CLCN5: variants seen among roughly 807,000 people sequenced by gnomAD.
CLCN5 encodes H(+)/Cl(-) exchange transporter 5.
A neutral mutation model predicts 54.0 loss-of-function variants in CLCN5; 17 were observed. The ratio of observed to expected loss-of-function variants is 0.31; its 90% CI spans 0.22 to 0.47. The LOEUF (loss-of-function observed/expected upper bound fraction) is 0.47. CLCN5 is among the 20% of genes least tolerant of loss of function. The pLI is 1.00. For synonymous variants in CLCN5, 222 were observed against 233.0 expected (o/e 0.95, Z 0.43); for missense variants, 448 against 646.7 (o/e 0.69, Z 3.33).
At chrX:50,009,787 G>T (rs376696825) in intron 3 of CLCN5, 1 of 386,859 alleles carries the variant, frequency 2.6e-6, no homozygotes, top group African/African-American at 2.5e-5. Context: ...ACCCGGGCAA[G>T]GATTCTGAGA....
chrX:49,985,030 A>G (rs1557178142), intron 3 of CLCN5, among the ~76,000 whole-genome samples: 1 of 109,810 alleles, frequency 9.1e-6, no homozygotes, highest in Non-Finnish European at 1.9e-5. Context: ...GATTTGTGGC[A>G]TATTTACATA....
At chrX:50,034,694 A>G (rs782757356) in intron 3 of CLCN5, among the ~76,000 whole-genome samples, 1 of 111,094 alleles carries the variant, frequency 9.0e-6, no homozygotes, top group Non-Finnish European at 1.9e-5. Context: ...ACACATGTCA[A>G]TGTCACTAGT....
In CLCN5 at chrX:49,922,693, G is replaced by A. The variant is rs893150572; in HGVS notation, c.-304G>A. On this transcript the variant is annotated 5_prime_UTR_variant, in exon 1 of 15. Coordinates refer to ENST00000376091, the MANE Select transcript of CLCN5 (RefSeq NM_001127898.4). The stretch of plus-strand genomic sequence containing the variant: ...TGAATGAAGCTCTGCCGGCTACGTG[G>A]GGCGCTCACTCAACTTGGTGTCCTG... 1.8e-5 allele frequency: 2 copies of A among 113,115 alleles called. No individual in the cohort carries two copies. The highest frequency in any genetic ancestry group is 3.8e-5 in the Non-Finnish European group (2 of 53,282). The allele number at this position is 113,115 out of a possible 1,213,427, so 9.3% of individuals were successfully genotyped here.
intron 3 of CLCN5, among the ~76,000 whole-genome samples, chrX:49,927,841 C>A (rs782337831): frequency 4.7e-4 from 53 of 112,244 alleles, no homozygotes; most frequent in Non-Finnish European, 9.4e-4. Context: ...AGAATGAAAT[C>A]CTGTCATTTG....
intron 3 of CLCN5, among the ~76,000 whole-genome samples, chrX:49,944,434 A>G (rs1926570028): frequency 9.0e-6 from 1 of 111,428 alleles, no homozygotes; most frequent in African/African-American, 3.3e-5. Flanking sequence ...AGAACTTCCA[A>G]CACTATGTTG....
At chrX:49,925,547 C>T (rs1422520019) in intron 3 of CLCN5, among the ~76,000 whole-genome samples, 7 of 112,317 alleles carry the variant, frequency 6.2e-5, no homozygotes, top group Non-Finnish European at 1.1e-4. Flanking sequence ...ATGCCAGCAG[C>T]ATTTAAAAGA....
chrX:50,063,275 GA>G (rs1557190220), intron 4 of CLCN5, among the ~76,000 whole-genome samples: 1 of 93,500 alleles, frequency 1.1e-5, no homozygotes, highest in East Asian at 3.2e-4. Flanking sequence ...GACTAATAAA[GA>G]AAAAAAGAGA....
intron 4 of CLCN5, among the ~76,000 whole-genome samples, chrX:50,064,670 C>G (rs1291329233): frequency 2.0e-5 from 2 of 99,677 alleles, no homozygotes; most frequent in Non-Finnish European, 4.0e-5. Context: ...CTTTCAAGTT[C>G]ATATGGAACC....
At chrX:49,930,724 A>G (rs182582564) in intron 3 of CLCN5, among the ~76,000 whole-genome samples, 1 of 111,578 alleles carries the variant, frequency 9.0e-6, no homozygotes, top group Admixed American at 9.5e-5. Context: ...TTGGCCTTCC[A>G]TATTCATGGG....
intron 3 of CLCN5, among the ~76,000 whole-genome samples, chrX:49,945,604 GTTTTTT>G (rs1162822439): frequency 1.4e-5 from 1 of 71,155 alleles, no homozygotes; most frequent in Non-Finnish European, 2.6e-5. Flanking sequence ...CGCCCAGCTA[GTTTTTT>G]TTTTTTTTTT....
chrX:50,086,317 C>T lies in CLCN5; in HGVS notation c.1015-11C>T. On this transcript the variant is annotated splice_polypyrimidine_tract_variant and intron_variant, in intron 10 of 14. Transcript: ENST00000376091. ...TTGACTGAGTTTGCTTTCTCACCTT[C>T]TTTCTTCTAGGTCAGCTACTATTTT... 1 of 1,205,782 alleles carries T rather than the reference C, an allele frequency of 8.3e-7. No individual in the cohort carries two copies.
At position 49,944,764 on chromosome X, in the gene CLCN5, G is replaced by A. The variant is rs372979338; in HGVS notation, c.16+19450G>A. On this transcript the variant is annotated intron_variant, in intron 3 of 14. Transcript: ENST00000376091. ...TCCCAGGGATGAAGCCAACTTGATCGTGGTGGATAAGCTTTTTGATGTGCT... is the reference window on the plus strand; with the variant it reads ...TCCCAGGGATGAAGCCAACTTGATCATGGTGGATAAGCTTTTTGATGTGCT... 8.0e-4 allele frequency among the ~76,000 whole-genome samples: 89 copies of A among 111,695 alleles called. No individual in the cohort carries two copies. In the East Asian group the frequency reaches 0.018, roughly 23 times the overall value.
At position 49,927,189 on chromosome X, in the gene CLCN5, G is replaced by A. The variant is rs1925390448; in HGVS notation, c.16+1875G>A. 3.6e-5 allele frequency among the ~76,000 whole-genome samples: 4 copies of A among 111,807 alleles called. No homozygotes were observed. In the South Asian group the frequency reaches 1.1e-3, roughly 31 times the overall value. On this transcript the variant is annotated intron_variant, in intron 3 of 14. Coordinates refer to ENST00000376091, the MANE Select transcript of CLCN5 (RefSeq NM_001127898.4). ...TTTTGTTCCTAATGATGCATAAAGA[G>A]CTTGTATTTTTTTCTCTGTAGTTAA...
At chrX:50,003,542 C>G (rs1929992964) in intron 3 of CLCN5, 1 of 378,985 alleles carries the variant, frequency 2.6e-6, no homozygotes, top group Admixed American at 2.6e-5. Context: ...GGAGGGTGAG[C>G]TTTCTGAAAA....
intron 14 of CLCN5, 93 bp downstream of exon 14, chrX:50,090,979 GA>G (rs1204600047): frequency 1.4e-6 from 1 of 729,949 alleles, no homozygotes; most frequent in African/African-American, 2.1e-5. Context: ...CAGTTTAAAT[GA>G]ACATTAGTAG....
In CLCN5 at chrX:49,925,259, C is replaced by T; in HGVS notation, c.-40C>T. ...TACAAAACTGAGAGGCTCTGGGAAA[C>T]TCAGCCTGTGACCCCAGCGTGGGTG... On this transcript the variant is annotated 5_prime_UTR_variant, in exon 3 of 15. Transcript: ENST00000376091. The T allele has an allele frequency of 8.3e-7, 1 of 1,204,563 alleles. No individual in the cohort carries two copies.
chrX:50,097,837 A>G lies in CLCN5; in HGVS notation c.*5618A>G, dbSNP rs1934311531. ...GGGGTGATGAGGGCTTTAGCATCTCAAGGCAGACATATGAAGTATTTACTG... is the reference window on the plus strand; with the variant it reads ...GGGGTGATGAGGGCTTTAGCATCTCGAGGCAGACATATGAAGTATTTACTG... On this transcript the variant is annotated 3_prime_UTR_variant, in exon 15 of 15. Coordinates refer to ENST00000376091, the MANE Select transcript of CLCN5 (RefSeq NM_001127898.4). 1 of 112,311 alleles carries G rather than the reference A, an allele frequency of 8.9e-6. No homozygotes were observed. Among genetic ancestry groups the G allele is most frequent in the African/African-American group, 3.2e-5 (1 of 30,815 alleles). The allele number at this position is 112,311 out of a possible 1,213,427, so 9.3% of individuals were successfully genotyped here.
At chrX:50,050,715 A>G (rs1385194645) in intron 4 of CLCN5, among the ~76,000 whole-genome samples, 1 of 88,044 alleles carries the variant, frequency 1.1e-5, no homozygotes, top group Non-Finnish European at 2.1e-5. Context: ...GCTGGAGTGC[A>G]GTGGTTCCAT....
chrX:50,050,133 G>T (rs1163906353), intron 4 of CLCN5: 1 of 111,858 alleles, frequency 8.9e-6, no homozygotes, highest in Non-Finnish European at 1.9e-5. Context: ...ACTGTTGGGG[G>T]CAATTATGAA....
Sources: allele counts gnomAD v4.1 joint callset (sites outside exome capture counted in the v4.1 genomes callset), GRCh38; gene constraint gnomAD v4.1.1; transcripts MANE v1.5; gene names NCBI Gene and HGNC (gene_info 2026-07-23, HGNC 2026-07-21).